Variants in OCIAD1 observed in about 807,000 individuals in gnomAD.
OCIAD1 encodes the protein OCIA domain containing 1.
In OCIAD1, 29 loss-of-function variants were observed where a neutral mutation model predicts 38.9. That is an observed-to-expected ratio of 0.74 (90% CI 0.55 to 1.02). OCIAD1 has a LOEUF of 1.02. Ranked by LOEUF, OCIAD1 falls within the 50% of genes least tolerant of loss-of-function variation. The pLI, the probability that OCIAD1 is intolerant of heterozygous loss-of-function variation, is 0.00. For missense variants in OCIAD1, 288 were observed against 289.6 expected (o/e 0.99, Z 0.04); for synonymous variants, 110 against 92.0 (o/e 1.20, Z -1.12).
Position 48,851,830 on chromosome 4 carries a change from T to C in OCIAD1, c.402T>C (p.Tyr134=), listed in dbSNP as rs146031059. 3 of 1,611,534 alleles carry C rather than the reference T, an allele frequency of 1.9e-6. No homozygotes were observed. The highest frequency in any genetic ancestry group is 2.5e-6 in the Non-Finnish European group (3 of 1,178,108). ...GGCACTATTATCAAAAGTCAAAATATGACTCAAGTGTGAGTGGTCAATCAT... is the reference window on the plus strand; with the variant it reads ...GGCACTATTATCAAAAGTCAAAATACGACTCAAGTGTGAGTGGTCAATCAT... ...PPGHYYQKSK[Y]DSSVSGQSSF... The change falls in exon 7 of 9, where the codon TAT becomes TAC. Residue 134 remains tyrosine, a synonymous_variant. Transcript: ENST00000264312.
At position 48,842,647 on chromosome 4, in the gene OCIAD1, G is replaced by A. The variant is rs1778642764; in HGVS notation, c.151G>A (p.Ala51Thr). The change falls in exon 4 of 9, where the codon GCT (alanine) becomes ACT (threonine). Residue 51 changes from alanine (A) to threonine (T), a missense_variant. By Grantham distance (58) the Ala-to-Thr change is moderately conservative. Transcript: ENST00000264312. ...ESFWFRSVPL[A>T]ATSMLITQGL... ...TTTTCTTCCTATAGCTGTGCCTTTGGCTGCAACAAGTATGTTGATTACTCA... is the reference window on the plus strand; with the variant it reads ...TTTTCTTCCTATAGCTGTGCCTTTGACTGCAACAAGTATGTTGATTACTCA... 1.9e-6 allele frequency: 3 copies of A among 1,571,016 alleles called. No individual in the cohort carries two copies. The highest frequency in any genetic ancestry group is 2.6e-6 in the Non-Finnish European group (3 of 1,159,892).
intron 7 of OCIAD1, among the ~76,000 whole-genome samples, chr4:48,854,096 C>T (rs1013938601): frequency 2.6e-5 from 4 of 152,204 alleles, no homozygotes; most frequent in African/African-American, 9.7e-5. Flanking sequence ...TCTCATTTAA[C>T]CAGTCTGAAG....
chr4:48,845,164 C>T (rs1778872930), intron 4 of OCIAD1, among the ~76,000 whole-genome samples: 1 of 151,736 alleles, frequency 6.6e-6, no homozygotes, highest in African/African-American at 2.4e-5. Flanking sequence ...AAAAAAAAAT[C>T]CTCCCTCATT....
At chr4:48,827,716 A>T (rs1464100786), upstream of OCIAD1, among the ~76,000 whole-genome samples, 1 of 152,250 alleles carries the variant, frequency 6.6e-6, no homozygotes, top group Non-Finnish European at 1.5e-5. Context: ...ATTGCTGAGA[A>T]ATTAGGGGGC....
chr4:48,827,787 C>T (rs1396414629), upstream of OCIAD1, among the ~76,000 whole-genome samples: 8 of 152,218 alleles, frequency 5.3e-5, no homozygotes, highest in Non-Finnish European at 1.2e-4. Context: ...GTGGGACTGG[C>T]GGGTAGCTCC....
intron 8 of OCIAD1, among the ~76,000 whole-genome samples, 187 bp from the exon 9 acceptor site, chr4:48,860,538 A>G (rs536417906): frequency 2.0e-5 from 3 of 152,314 alleles, no homozygotes; most frequent in African/African-American, 4.8e-5. Flanking sequence ...TTCTAGATAC[A>G]ATGCATTTGT....
chr4:48,849,898 G>T lies in OCIAD1; in HGVS notation c.242-49G>T. The T allele has an allele frequency of 3.3e-6, 5 of 1,515,264 alleles. No individual in the cohort carries two copies. The East Asian group carries it at 7.0e-5, about 21-fold the overall frequency. 93.9% of individuals were successfully genotyped at this position (1,515,264 alleles called of 1,614,324 possible). ...AATTTTTCTTTTAGAAAATACTTTT[G>T]TCTGAAAGGCACATTCAGTTACACT... On this transcript the variant is annotated intron_variant, in intron 5 of 8. Transcript: ENST00000264312.
At chr4:48,805,466 A>G (rs1777014954) in intron 1 of OCIAD1, 1 of 152,240 alleles carries the variant, frequency 6.6e-6, no homozygotes. Context: ...ATGGATAACT[A>G]ATACAGGGAC....
rs537011586 is a variant in OCIAD1 at position 48,839,713 on chromosome 4, C to G, written c.140-2923C>G. Among the ~76,000 whole-genome samples the G allele has an allele frequency of 3.3e-5, 5 of 152,178 alleles. No homozygotes were observed. The East Asian group carries it at 9.6e-4, about 29-fold the overall frequency. On this transcript the variant is annotated intron_variant, in intron 3 of 8. Coordinates refer to ENST00000264312, the MANE Select transcript of OCIAD1 (RefSeq NM_017830.4). ...GACTACAGTTAGGAATATAGAGTAG[C>G]TTTTTGTTACTGTGAGGGGAGAAGA...
upstream of OCIAD1, among the ~76,000 whole-genome samples, chr4:48,829,636 T>C (rs1254475152): frequency 6.6e-6 from 1 of 152,140 alleles, no homozygotes; most frequent in Non-Finnish European, 1.5e-5. Flanking sequence ...TGTGGTGACA[T>C]CAACTGAAGT....
Position 48,861,033 on chromosome 4 carries a change from A to G in OCIAD1, c.*271A>G. 1 of 368,582 alleles carries G rather than the reference A, an allele frequency of 2.7e-6. No homozygotes were observed. Among genetic ancestry groups the G allele is most frequent in the Non-Finnish European group, 4.8e-6 (1 of 207,534 alleles). 22.8% of individuals were successfully genotyped at this position (368,582 alleles called of 1,614,324 possible). A position where few individuals can be genotyped will look rare whatever the true frequency, so the allele number is the denominator to read the frequency against. ...TTGTGAAATTGTTGCAAGGGCAAAG[A>G]TAACTCTTAAAAAACCGTCGAGATT... On this transcript the variant is annotated 3_prime_UTR_variant, in exon 9 of 9. Coordinates refer to ENST00000264312, the MANE Select transcript of OCIAD1 (RefSeq NM_017830.4).
At chr4:48,833,325 T>C in intron 2 of OCIAD1, 76 bp from the exon 3 acceptor site, 1 of 869,990 alleles carries the variant, frequency 1.1e-6, no homozygotes, top group Non-Finnish European at 1.9e-6. Flanking sequence ...CTTGTTAATG[T>C]TTAGGCTAAG....
intron 1 of OCIAD1, among the ~76,000 whole-genome samples, chr4:48,818,562 A>G (rs919430793): frequency 1.3e-5 from 2 of 152,212 alleles, no homozygotes; most frequent in African/African-American, 4.8e-5. Context: ...ACAAAACTGG[A>G]CGGAGAATGA....
chr4:48,861,804 T>G lies in OCIAD1; in HGVS notation c.*1042T>G, dbSNP rs1780606686. The G allele has an allele frequency of 6.6e-6, 1 of 152,188 alleles. No individual in the cohort carries two copies. The highest frequency in any genetic ancestry group is 2.4e-5 in the African/African-American group (1 of 41,448). The allele number at this position is 152,188 out of a possible 1,614,324, so 9.4% of individuals were successfully genotyped here. ...TGTAAATTCTAAAACAATAAAAATT[T>G]GGTATACATCACAGAGACTGATATT... is the stretch of plus-strand genomic sequence containing the variant. On this transcript the variant is annotated 3_prime_UTR_variant, in exon 9 of 9. Transcript: ENST00000264312.
At chr4:48,848,556 T>G (rs994849254) in intron 5 of OCIAD1, 110 bp downstream of exon 5, 4 of 459,772 alleles carry the variant, frequency 8.7e-6, no homozygotes, top group Non-Finnish European at 1.5e-5. Flanking sequence ...GGTTACATGC[T>G]CTGATAAATC....
rs541234242 is a variant in OCIAD1, at chr4:48,848,952, A to C, written c.241+506A>C. ...AAATGTGGCACATATACACCATGGA[A>C]TACTATGCAGCCATAAAAAAGGATG... On this transcript the variant is annotated intron_variant, in intron 5 of 8. Coordinates refer to ENST00000264312, the MANE Select transcript of OCIAD1 (RefSeq NM_017830.4). 8.5e-5 allele frequency among the ~76,000 whole-genome samples: 13 copies of C among 152,270 alleles called. No individual in the cohort carries two copies. In the South Asian group the frequency reaches 1.5e-3, roughly 17 times the overall value.
At chr4:48,827,344 A>G (rs1038760201), upstream of OCIAD1, among the ~76,000 whole-genome samples, 29 of 152,312 alleles carry the variant, frequency 1.9e-4, no homozygotes, top group African/African-American at 6.7e-4. Context: ...CTTATGGTAC[A>G]TTTCATTAGA....
chr4:48,820,436 A>G (rs2109494465), intron 1 of OCIAD1, among the ~76,000 whole-genome samples: 1 of 152,342 alleles, frequency 6.6e-6, no homozygotes, highest in South Asian at 2.1e-4. Flanking sequence ...CTTAATGCCC[A>G]CAACAGAAAG....
intron 7 of OCIAD1, chr4:48,856,479 TCCTGGGTTC>T: frequency 6.6e-6 from 1 of 152,648 alleles, no homozygotes; most frequent in Non-Finnish European, 1.5e-5. Flanking sequence ...AACCTCCGCC[TCCTGGGTTC>T]AAGCGATTCT....
Sources: gnomAD v4.1 joint callset for allele counts (sites outside exome capture counted in the v4.1 genomes callset) on GRCh38, gnomAD v4.1.1 for gene constraint, MANE v1.5 for transcripts, NCBI Gene and HGNC (gene_info 2026-07-23, HGNC 2026-07-21) for gene names.